The following UNC5D variants were observed in gnomAD, a reference collection of about 807,000 sequenced individuals.
UNC5D encodes netrin receptor UNC5D.
Under a neutral mutation model 105.4 loss-of-function variants are expected in UNC5D, and 39 were observed. The observed-to-expected ratio is 0.37, with a 90% CI of 0.29 to 0.48. The LOEUF is 0.48. Among genes scored for constraint, UNC5D ranks in the 20% least tolerant of loss-of-function variants. UNC5D has a pLI of 0.98. For synonymous variants in UNC5D, 452 were observed against 450.4 expected (o/e 1.00, Z -0.04); for missense variants, 991 against 1,202.4 (o/e 0.82, Z 2.60).
intron 1 of UNC5D, among the ~76,000 whole-genome samples, chr8:35,394,881 T>A (rs184985560): frequency 6.6e-6 from 1 of 152,314 alleles, no homozygotes; most frequent in Non-Finnish European, 1.5e-5. Context: ...AACCTTTAGA[T>A]AAAGGGTAAT....
At chr8:35,411,196 A>C (rs1805142475) in intron 1 of UNC5D, among the ~76,000 whole-genome samples, 1 of 152,076 alleles carries the variant, frequency 6.6e-6, no homozygotes, top group Non-Finnish European at 1.5e-5. Context: ...AGCACCATGG[A>C]GGTGCTTCTG....
At chr8:35,364,409 C>T (rs942530932) in intron 1 of UNC5D, among the ~76,000 whole-genome samples, 4 of 152,096 alleles carry the variant, frequency 2.6e-5, no homozygotes, top group African/African-American at 9.7e-5. Context: ...TTGATGTCCC[C>T]ATCATTTTCT....
At chr8:35,326,494 C>G (rs1473755149) in intron 1 of UNC5D, among the ~76,000 whole-genome samples, 2 of 152,170 alleles carry the variant, frequency 1.3e-5, no homozygotes, top group Non-Finnish European at 2.9e-5. Context: ...GTGGCTCATG[C>G]CTGTCATCGC....
At chr8:35,378,220 C>T (rs528959547) in intron 1 of UNC5D, among the ~76,000 whole-genome samples, 14 of 152,132 alleles carry the variant, frequency 9.2e-5, no homozygotes, top group African/African-American at 3.4e-4. Flanking sequence ...TTTTTCAATA[C>T]CTCTCCTTTC....
chr8:35,701,800 T>A (rs1827221379), intron 7 of UNC5D, among the ~76,000 whole-genome samples: 1 of 151,616 alleles, frequency 6.6e-6, no homozygotes, highest in Non-Finnish European at 1.5e-5. Flanking sequence ...ATCTATAAAA[T>A]CACAGGGGAT....
At chr8:35,239,930 C>CTCTTT (rs755482493) in intron 1 of UNC5D, among the ~76,000 whole-genome samples, 7 of 147,430 alleles carry the variant, frequency 4.7e-5, no homozygotes, top group South Asian at 2.2e-4. Flanking sequence ...TTTCTCTTTT[C>CTCTTT]TCTTTTCTTT....
In UNC5D at chr8:35,462,746, T is replaced by C. The variant is rs562866451; in HGVS notation, c.104-86546T>C. 2.6e-5 allele frequency among the ~76,000 whole-genome samples: 4 copies of C among 152,304 alleles called. No individual in the cohort carries two copies. In the East Asian group the frequency reaches 7.7e-4, roughly 29 times the overall value. On this transcript the variant is annotated intron_variant, in intron 1 of 16. Coordinates refer to ENST00000404895, the MANE Select transcript of UNC5D (RefSeq NM_080872.4). ...TCTCTTTCCCAGCATGGGTGAGTTA[T>C]GGACCCAAAGGAGTAAGAGCAAATT...
intron 4 of UNC5D, among the ~76,000 whole-genome samples, chr8:35,631,848 T>G (rs1822062070): frequency 6.6e-6 from 1 of 152,254 alleles, no homozygotes; most frequent in African/African-American, 2.4e-5. Context: ...GTTCTTGCCC[T>G]TTCTTCAAAG....
At chr8:35,456,497 A>C (rs988418585) in intron 1 of UNC5D, among the ~76,000 whole-genome samples, 2 of 152,206 alleles carry the variant, frequency 1.3e-5, no homozygotes, top group Non-Finnish European at 2.9e-5. Flanking sequence ...TGAGCAGTTT[A>C]GCATTCATTT....
chr8:35,500,743 G>A (rs541648363), intron 1 of UNC5D, among the ~76,000 whole-genome samples: 2 of 152,296 alleles, frequency 1.3e-5, no homozygotes, highest in South Asian at 2.1e-4. Context: ...TCACGGCTGC[G>A]TGATAAATGA....
At chr8:35,718,149 T>A (rs79396606) in intron 8 of UNC5D, among the ~76,000 whole-genome samples, 5,990 of 152,018 alleles carry the variant, frequency 0.039, 283 homozygotes, top group African/African-American at 0.11. Flanking sequence ...TTCTACCACC[T>A]GGTGAGTCCT....
intron 1 of UNC5D, among the ~76,000 whole-genome samples, chr8:35,271,182 T>C (rs930360994): frequency 1.3e-5 from 2 of 149,340 alleles, no homozygotes; most frequent in Admixed American, 1.3e-4. Context: ...TATTTGTATA[T>C]ATAAATTAAA....
chr8:35,427,364 T>G lies in UNC5D; in HGVS notation c.104-121928T>G, dbSNP rs778608765. The stretch of plus-strand genomic sequence containing the variant: ...CCTCACAAACCCACCTGGGGCTACC[T>G]TGGGTGGCATCTTGCTAGATGGGAA... On this transcript the variant is annotated intron_variant, in intron 1 of 16. Transcript: ENST00000404895. Among the ~76,000 whole-genome samples, 21 of 152,188 alleles carry G rather than the reference T, an allele frequency of 1.4e-4. 1 individual carries two copies. Among genetic ancestry groups the G allele is most frequent in the Non-Finnish European group, 1.3e-4 (9 of 68,030 alleles).
At chr8:35,703,280 A>T (rs1827332874) in intron 7 of UNC5D, among the ~76,000 whole-genome samples, 1 of 152,092 alleles carries the variant, frequency 6.6e-6, no homozygotes, top group Admixed American at 6.6e-5. Context: ...GATGACAAAC[A>T]TGTGCTAGCT....
chr8:35,592,688 A>AG (rs1471740449), intron 3 of UNC5D, among the ~76,000 whole-genome samples: 1 of 152,184 alleles, frequency 6.6e-6, no homozygotes, highest in Non-Finnish European at 1.5e-5. Flanking sequence ...AGCCAGAACT[A>AG]GGACTCCATG....
intron 1 of UNC5D, among the ~76,000 whole-genome samples, chr8:35,316,192 C>T (rs933631417): frequency 2.0e-5 from 3 of 152,044 alleles, no homozygotes; most frequent in Admixed American, 6.6e-5. Context: ...GAAAAGCATT[C>T]GTATTAATGT....
chr8:35,458,470 G>A (rs769056920), intron 1 of UNC5D, among the ~76,000 whole-genome samples: 13 of 152,038 alleles, frequency 8.6e-5, no homozygotes, highest in East Asian at 1.9e-4. Context: ...ATGAGATTCC[G>A]TCCCTTTTCC....
At position 35,450,179 on chromosome 8, in the gene UNC5D, G is replaced by A. The variant is rs116459370; in HGVS notation, c.104-99113G>A. The stretch of plus-strand genomic sequence containing the variant: ...AACTTGTTTAGTACTTAGTAAGAGT[G>A]TTGTCTGTAAGTGCTGAATAAATCT... On this transcript the variant is annotated intron_variant, in intron 1 of 16. Coordinates refer to ENST00000404895, the MANE Select transcript of UNC5D (RefSeq NM_080872.4). Among the ~76,000 whole-genome samples, 906 of 152,270 alleles carry A rather than the reference G, an allele frequency of 5.9e-3. 10 individuals are homozygous for A. Among genetic ancestry groups the A allele is most frequent in the African/African-American group, 0.02 (848 of 41,556 alleles).
chr8:35,555,547 G>A (rs911410866), intron 2 of UNC5D, among the ~76,000 whole-genome samples: 3 of 152,036 alleles, frequency 2.0e-5, no homozygotes, highest in African/African-American at 7.2e-5. Flanking sequence ...CAAATTATAG[G>A]CAGGGCACGG....
Sources: allele counts gnomAD v4.1 joint callset (sites outside exome capture counted in the v4.1 genomes callset), GRCh38; gene constraint gnomAD v4.1.1; transcripts MANE v1.5; gene names NCBI Gene and HGNC (gene_info 2026-07-23, HGNC 2026-07-21).